The following ILDR1 variants were observed in gnomAD, a reference collection of about 807,000 sequenced individuals.
ILDR1 encodes the protein immunoglobulin-like domain-containing receptor 1.
A neutral mutation model predicts 62.4 loss-of-function variants in ILDR1; 56 were observed. The observed-to-expected ratio is 0.90, with a 90% CI of 0.72 to 1.12. The LOEUF (loss-of-function observed/expected upper bound fraction) is 1.12, where lower values mean the gene tolerates loss of function less well. Ranked by LOEUF, ILDR1 falls within the 50% of genes most tolerant of loss-of-function variation. The pLI, the probability that ILDR1 is intolerant of heterozygous loss-of-function variation, is 0.00. For missense variants in ILDR1, 736 were observed against 710.6 expected, an observed-to-expected ratio of 1.04 and a Z score of -0.41; for synonymous variants, 284 against 277.8, an observed-to-expected ratio of 1.02 and a Z score of -0.22.
chr3:122,053,008 C>T, the ILDR1 span, among the ~76,000 whole-genome samples: 1 of 152,230 alleles, frequency 6.6e-6, no homozygotes. Flanking sequence ...GTGAATTTTC[C>T]TACTGGCTTC....
chr3:122,049,491 T>C, the ILDR1 span, among the ~76,000 whole-genome samples: 1 of 152,230 alleles, frequency 6.6e-6, no homozygotes, highest in Non-Finnish European at 1.5e-5. Context: ...CCTCTATTAT[T>C]ATCATGTTGC....
intron 5 of ILDR1, among the ~76,000 whole-genome samples, chr3:121,999,305 T>C (rs146281863): frequency 1.3e-3 from 205 of 152,318 alleles, no homozygotes; most frequent in Non-Finnish European, 2.4e-3. Flanking sequence ...TCCTACAATA[T>C]AGTACTTTAT....
At chr3:122,029,455 C>T in the ILDR1 span, among the ~76,000 whole-genome samples, 33 of 150,362 alleles carry the variant, frequency 2.2e-4, no homozygotes, top group East Asian at 6.0e-3. Context: ...TGCAGTGAGC[C>T]GAGATCCAGC....
chr3:122,027,601 G>A, the ILDR1 span, among the ~76,000 whole-genome samples: 4 of 152,132 alleles, frequency 2.6e-5, no homozygotes, highest in East Asian at 1.9e-4. Flanking sequence ...CAAATTCTAC[G>A]TATTTCTAAT....
chr3:122,029,438 C>T, the ILDR1 span, among the ~76,000 whole-genome samples: 3 of 150,916 alleles, frequency 2.0e-5, no homozygotes, highest in South Asian at 2.1e-4. Context: ...ACCAAGGTAG[C>T]GGAGTTTGCA....
rs1345717038 is a variant in ILDR1, at chr3:122,022,115, C to T, written c.-38G>A. 6 of 1,550,452 alleles carry T rather than the reference C, an allele frequency of 3.9e-6. No homozygotes were observed. The highest frequency in any genetic ancestry group is 4.4e-6 in the Non-Finnish European group (5 of 1,138,730). On this transcript the variant is annotated 5_prime_UTR_variant, in exon 1 of 8. Coordinates refer to ENST00000344209, the MANE Select transcript of ILDR1 (RefSeq NM_001199799.2). ...CTGGCCCTTTTCAGCTCAGGGGCTT[C>T]GGGGCACTGCGTCTTTCTTCCTCAG... is the stretch of plus-strand genomic sequence containing the variant.
the ILDR1 span, among the ~76,000 whole-genome samples, chr3:122,040,224 ATTCTCACCTCACCAAC>A: frequency 6.6e-6 from 1 of 151,976 alleles, no homozygotes; most frequent in Non-Finnish European, 1.5e-5. Context: ...ATTTATTTAC[ATTCTCACCTCACCAAC>A]TTAGTAAAGT....
chr3:122,017,230 G>C (rs2071789031), intron 1 of ILDR1, among the ~76,000 whole-genome samples: 1 of 152,164 alleles, frequency 6.6e-6, no homozygotes, highest in Middle Eastern at 3.4e-3. Context: ...TGTATTTTTT[G>C]TAGAGAAGGG....
In ILDR1 at chr3:121,993,352, C is replaced by A. The variant is rs370978987; in HGVS notation, c.1397G>T (p.Arg466Leu). The A allele has an allele frequency of 6.2e-7, 1 of 1,609,634 alleles. No individual in the cohort carries two copies. Among genetic ancestry groups the A allele is most frequent in the Non-Finnish European group, 8.5e-7 (1 of 1,176,694 alleles). The change falls in exon 7 of 8, where the codon CGC (arginine) becomes CTC (leucine). Residue 466 changes from arginine to leucine, a missense_variant. Transcript: ENST00000344209. ...TQRHGRRRRH[R>L]SYSPPLPSGL... ...GGAGGGCAAGGGAGGAGAGTAGCTG[C>A]GGTGCCTGCGTCGTCTCCCGTGCCT...
chr3:122,041,713 T>A, the ILDR1 span, among the ~76,000 whole-genome samples: 1 of 152,156 alleles, frequency 6.6e-6, no homozygotes, highest in Non-Finnish European at 1.5e-5. Context: ...AGGTTGTTCA[T>A]TGTTAGTGTA....
At position 122,018,507 on chromosome 3, in the gene ILDR1, G is replaced by A. The variant is rs568935667; in HGVS notation, c.58+3513C>T. Reference sequence around the variant, plus strand: ...GTATACCTATGTAACAAAAGTGCACGTTCTGCACATGTAACCCAGTATAAT... The same window carrying A: ...GTATACCTATGTAACAAAAGTGCACATTCTGCACATGTAACCCAGTATAAT... On this transcript the variant is annotated intron_variant, in intron 1 of 7. Coordinates refer to ENST00000344209, the MANE Select transcript of ILDR1 (RefSeq NM_001199799.2). Among the ~76,000 whole-genome samples, 9 of 152,174 alleles carry A rather than the reference G, an allele frequency of 5.9e-5. 1 individual carries two copies. In the East Asian group the frequency reaches 9.6e-4, roughly 16 times the overall value.
the ILDR1 span, among the ~76,000 whole-genome samples, chr3:122,031,726 G>C: frequency 6.6e-6 from 1 of 152,212 alleles, no homozygotes; most frequent in African/African-American, 2.4e-5. Context: ...ACCAGACATT[G>C]AATCTGCCAG....
At chr3:122,042,691 T>C in the ILDR1 span, among the ~76,000 whole-genome samples, 2 of 152,242 alleles carry the variant, frequency 1.3e-5, no homozygotes, top group Non-Finnish European at 2.9e-5. Flanking sequence ...TTTTTCATGT[T>C]TCTTGGCTGC....
the ILDR1 span, among the ~76,000 whole-genome samples, chr3:122,056,500 A>G: frequency 3.3e-5 from 5 of 152,084 alleles, no homozygotes; most frequent in East Asian, 9.6e-4. Context: ...ACGCCCGGCT[A>G]ATTTTTGTAT....
the ILDR1 span, among the ~76,000 whole-genome samples, chr3:122,035,557 T>C: frequency 6.6e-6 from 1 of 152,166 alleles, no homozygotes; most frequent in African/African-American, 2.4e-5. Flanking sequence ...ATTTCCTCCT[T>C]GCTATTCTCA....
upstream of ILDR1, among the ~76,000 whole-genome samples, chr3:122,025,491 A>G (rs952051727): frequency 2.0e-5 from 3 of 152,222 alleles, no homozygotes; most frequent in Admixed American, 2.0e-4. Flanking sequence ...TTTTCAGAAC[A>G]CAATACCCTT....
chr3:122,034,112 T>C, the ILDR1 span, among the ~76,000 whole-genome samples: 1 of 152,210 alleles, frequency 6.6e-6, no homozygotes, highest in African/African-American at 2.4e-5. Context: ...TGTAAGAACT[T>C]AAAAGAAATT....
Position 121,987,959 on chromosome 3 carries a change from C to A in ILDR1, c.*408G>T, listed in dbSNP as rs1396248077. 2 of 331,870 alleles carry A rather than the reference C, an allele frequency of 6.0e-6. No homozygotes were observed. The highest frequency in any genetic ancestry group is 2.5e-5 in the South Asian group (1 of 39,550). The allele number at this position is 331,870 out of a possible 1,614,324, so 20.6% of individuals were successfully genotyped here. A position where few individuals can be genotyped will look rare whatever the true frequency, so the allele number is the denominator to read the frequency against. On this transcript the variant is annotated 3_prime_UTR_variant, in exon 8 of 8. Coordinates refer to ENST00000344209, the MANE Select transcript of ILDR1 (RefSeq NM_001199799.2). ...TTGCTCTATTGCCCAGGCTGGAATA[C>A]AGATGTGTGATCATGGGATCCTGGC...
Position 122,001,947 on chromosome 3 carries a change from A to C in ILDR1, c.380-83T>G. 3 of 1,484,220 alleles carry C rather than the reference A, an allele frequency of 2.0e-6. No homozygotes were observed. The South Asian group carries it at 3.4e-5, about 17-fold the overall frequency. 91.9% of individuals were successfully genotyped at this position (1,484,220 alleles called of 1,614,324 possible). ...CCCATGACACCCTCAAGACCTGGGC[A>C]GCATGGCAAGACCTTGTATTTACAA... On this transcript the variant is annotated intron_variant, in intron 3 of 7. Coordinates refer to ENST00000344209, the MANE Select transcript of ILDR1 (RefSeq NM_001199799.2).
Sources: allele counts gnomAD v4.1 joint callset (sites outside exome capture counted in the v4.1 genomes callset), GRCh38; gene constraint gnomAD v4.1.1; transcripts MANE v1.5; gene names NCBI Gene and HGNC (gene_info 2026-07-23, HGNC 2026-07-21).